Variants in LARP1B observed in about 807,000 individuals in gnomAD.
LARP1B encodes La ribonucleoprotein 1B.
Under a neutral mutation model 114.2 loss-of-function variants are expected in LARP1B, and 76 were observed. The observed-to-expected ratio is 0.67, with a 90% CI of 0.55 to 0.81. LARP1B has a LOEUF of 0.81. Ranked by LOEUF, LARP1B falls within the 30% of genes least tolerant of loss-of-function variation. LARP1B has a pLI of 0.00. For synonymous variants in LARP1B, 345 were observed against 348.0 expected, an observed-to-expected ratio of 0.99 and a Z score of 0.10; for missense variants, 1,014 against 1,075.8, an observed-to-expected ratio of 0.94 and a Z score of 0.80.
At chr4:128,099,223 CAATTTCTT>C (rs1779385256) in intron 8 of LARP1B, among the ~76,000 whole-genome samples, 1 of 149,384 alleles carries the variant, frequency 6.7e-6, no homozygotes, top group South Asian at 2.1e-4. Context: ...TTTTTCTAGC[CAATTTCTT>C]TCCCTACACA....
chr4:128,090,089 T>G (rs974382658), intron 5 of LARP1B, among the ~76,000 whole-genome samples: 1 of 151,086 alleles, frequency 6.6e-6, no homozygotes, highest in African/African-American at 2.4e-5. Flanking sequence ...TTTTTTTTTT[T>G]GGAGAGGGAA....
intron 7 of LARP1B, among the ~76,000 whole-genome samples, chr4:128,095,972 T>TTA: frequency 6.6e-6 from 1 of 151,964 alleles, no homozygotes; most frequent in Non-Finnish European, 1.5e-5. Context: ...ATACTCTCAT[T>TTA]TACATATATG....
intron 11 of LARP1B, among the ~76,000 whole-genome samples, chr4:128,146,348 G>A (rs1267576647): frequency 6.6e-6 from 1 of 152,178 alleles, no homozygotes. Context: ...TCAAATAAGA[G>A]AATGGTAAAA....
In LARP1B at chr4:128,063,398, A is replaced by AACCTGGTC. The variant is rs1477772226; in HGVS notation, c.-78+1997_-78+1998insACCTGGTC. 2.1e-3 allele frequency among the ~76,000 whole-genome samples: 231 copies of AACCTGGTC among 109,266 alleles called. 1 individual carries two copies. Among genetic ancestry groups the AACCTGGTC allele is most frequent in the Admixed American group, 3.4e-3 (29 of 8,410 alleles). 71.7% of individuals were successfully genotyped at this position (109,266 alleles called of 152,430 possible). A position where few individuals can be genotyped will look rare whatever the true frequency, so the allele number is the denominator to read the frequency against. ...AGCCGAGATCGCGCCACTGCACTCC[A>AACCTGGTC]GCCTGGTCGGCAGAGTGAGACCCAC... is the stretch of plus-strand genomic sequence containing the variant. On this transcript the variant is annotated intron_variant, in intron 1 of 19. Transcript: ENST00000326639.
In LARP1B at chr4:128,210,784, T is replaced by G. The variant is rs1758842135; in HGVS notation, c.*731T>G. 3 of 983,840 alleles carry G rather than the reference T, an allele frequency of 3.0e-6. No individual in the cohort carries two copies. Among genetic ancestry groups the G allele is most frequent in the African/African-American group, 1.7e-5 (1 of 57,212 alleles). 60.9% of individuals were successfully genotyped at this position (983,840 alleles called of 1,614,324 possible). ...TTTTCTGAATTGGCTATAAGCTGAT[T>G]ACATATTAGAGGTTTATTTTTATGA... On this transcript the variant is annotated 3_prime_UTR_variant, in exon 20 of 20. Transcript: ENST00000326639.
intron 11 of LARP1B, among the ~76,000 whole-genome samples, chr4:128,159,404 A>C (rs544912911): frequency 1.2e-3 from 183 of 152,164 alleles, no homozygotes; most frequent in Middle Eastern, 3.4e-3. Flanking sequence ...CACTATCCCT[A>C]ACCCCTGGCA....
At chr4:128,204,100 A>G (rs1269885516) in intron 17 of LARP1B, among the ~76,000 whole-genome samples, 1 of 152,230 alleles carries the variant, frequency 6.6e-6, no homozygotes, top group African/African-American at 2.4e-5. Context: ...AAATCCAAAT[A>G]TTGCCTATTC....
In LARP1B at chr4:128,098,767, ATTT is replaced by A. The variant is rs869184167; in HGVS notation, c.813+463_813+465del. ...TATGTGTATATATATATATATATAT[ATTT>A]TTTTTTTTTTTTTTTTTTTTTTTTT... On this transcript the variant is annotated intron_variant, in intron 8 of 19. Transcript: ENST00000326639. 7.8e-3 allele frequency among the ~76,000 whole-genome samples: 271 copies of A among 34,882 alleles called. 2 individuals are homozygous for A. Among genetic ancestry groups the A allele is most frequent in the African/African-American group, 0.03 (235 of 7,832 alleles). 22.9% of individuals were successfully genotyped at this position (34,882 alleles called of 152,430 possible).
At chr4:128,065,826 A>T (rs948956783) in intron 1 of LARP1B, among the ~76,000 whole-genome samples, 2 of 151,998 alleles carry the variant, frequency 1.3e-5, no homozygotes, top group Non-Finnish European at 2.9e-5. Context: ...ATTTTACATT[A>T]GTTTATTTAA....
intron 9 of LARP1B, chr4:128,107,657 A>C: frequency 2.1e-6 from 3 of 1,419,474 alleles, no homozygotes; most frequent in Non-Finnish European, 2.7e-6. Flanking sequence ...TATTCTAAAA[A>C]GGTCTTATAC....
chr4:128,139,580 T>C (rs1385005682), intron 11 of LARP1B, among the ~76,000 whole-genome samples: 6 of 99,586 alleles, frequency 6.0e-5, no homozygotes, highest in Admixed American at 2.6e-4. Context: ...ACTGTATAAC[T>C]GTTAAAAAAA....
rs186829401 is a variant in LARP1B at position 128,065,130 on chromosome 4, A to G, written c.-78+3729A>G. 1.6e-3 allele frequency among the ~76,000 whole-genome samples: 243 copies of G among 151,916 alleles called. 2 individuals carry two copies. The highest frequency in any genetic ancestry group is 2.8e-3 in the Non-Finnish European group (191 of 67,960). ...GTTTTGCTGTTGTCTTGTGTAGGCA[A>G]CTCTTTCTGTCTTTGGATGGAATCC... On this transcript the variant is annotated intron_variant, in intron 1 of 19. Coordinates refer to ENST00000326639, the MANE Select transcript of LARP1B (RefSeq NM_018078.4).
chr4:128,177,475 A>G (rs969020294), intron 13 of LARP1B, among the ~76,000 whole-genome samples: 3 of 152,174 alleles, frequency 2.0e-5, no homozygotes, highest in Non-Finnish European at 2.9e-5. Context: ...TTATCTTACC[A>G]TAAGATTTTC....
intron 17 of LARP1B, 31 bp from the exon 18 acceptor site, chr4:128,206,397 T>C (rs1442840060): frequency 7.5e-7 from 1 of 1,336,822 alleles, no homozygotes; most frequent in Non-Finnish European, 1.0e-6. Flanking sequence ...ATATTGTATT[T>C]TATTATAAAC....
intron 8 of LARP1B, among the ~76,000 whole-genome samples, chr4:128,105,139 C>T (rs1204249128): frequency 2.0e-5 from 3 of 151,672 alleles, no homozygotes; most frequent in Non-Finnish European, 1.5e-5. Flanking sequence ...TAGATGTTCA[C>T]TGTGAGTTTT....
intron 1 of LARP1B, among the ~76,000 whole-genome samples, chr4:128,065,433 C>T (rs1403795495): frequency 1.3e-5 from 2 of 149,100 alleles, no homozygotes; most frequent in Non-Finnish European, 3.0e-5. Flanking sequence ...TGGTCTTGAA[C>T]TGCTGGCCTC....
At chr4:128,193,109 C>T (rs553271574) in intron 15 of LARP1B, among the ~76,000 whole-genome samples, 6 of 152,268 alleles carry the variant, frequency 3.9e-5, no homozygotes, top group East Asian at 1.9e-4. Context: ...GTTGGGATTA[C>T]CGTTATGAGT....
chr4:128,125,849 A>C (rs532570410), intron 11 of LARP1B, among the ~76,000 whole-genome samples: 2 of 152,324 alleles, frequency 1.3e-5, no homozygotes, highest in Admixed American at 6.5e-5. Context: ...CATGCAACCC[A>C]AGTTCATACT....
intron 11 of LARP1B, among the ~76,000 whole-genome samples, chr4:128,131,562 A>G (rs1791581677): frequency 6.6e-6 from 1 of 152,092 alleles, no homozygotes; most frequent in South Asian, 2.1e-4. Flanking sequence ...AAACGTAAAG[A>G]TATAAACTAG....
Sources: allele counts gnomAD v4.1 joint callset (sites outside exome capture counted in the v4.1 genomes callset), GRCh38; gene constraint gnomAD v4.1.1; transcripts MANE v1.5; gene names NCBI Gene and HGNC (gene_info 2026-07-23, HGNC 2026-07-21).